The following OXR1 variants were observed in gnomAD, a reference collection of about 807,000 sequenced individuals.
OXR1 encodes the protein oxidation resistance protein 1.
A neutral mutation model predicts 104.6 loss-of-function variants in OXR1; 41 were observed. That is an observed-to-expected ratio of 0.39 (90% confidence interval 0.31 to 0.51). The LOEUF is 0.51. OXR1 is among the 20% of genes least tolerant of loss of function. OXR1 has a pLI of 0.77. For synonymous variants in OXR1, 348 were observed against 348.4 expected, an observed-to-expected ratio of 1.00 and a Z score of 0.01; for missense variants, 955 against 1,031.9, an observed-to-expected ratio of 0.93 and a Z score of 1.02.
At chr8:106,500,691 A>T (rs985349622) in intron 2 of OXR1, among the ~76,000 whole-genome samples, 1 of 152,216 alleles carries the variant, frequency 6.6e-6, no homozygotes, top group African/African-American at 2.4e-5. Flanking sequence ...CAAGATGTCA[A>T]TCTTTTCCCT....
chr8:106,431,109 G>A (rs1806921), intron 2 of OXR1, among the ~76,000 whole-genome samples: 42,234 of 151,946 alleles, frequency 0.28, 6,093 homozygotes, highest in South Asian at 0.36. Context: ...TGAGGCCACC[G>A]TCCTGTAAGA....
chr8:106,563,296 C>CAAAAAAAAAAAAAA (rs145929849), intron 3 of OXR1, among the ~76,000 whole-genome samples: 8 of 125,752 alleles, frequency 6.4e-5, no homozygotes, highest in South Asian at 2.5e-4. Context: ...AAATGGAAAG[C>CAAAAAAAAAAAAAA]AAAAAAAAAA....
intron 1 of OXR1, among the ~76,000 whole-genome samples, chr8:106,299,112 G>A (rs1029456727): frequency 6.6e-6 from 1 of 152,084 alleles, no homozygotes; most frequent in African/African-American, 2.4e-5. Flanking sequence ...GCTCACTCAT[G>A]TGAACTTACT....
At chr8:106,294,421 A>AAAGG in intron 1 of OXR1, among the ~76,000 whole-genome samples, 1 of 147,996 alleles carries the variant, frequency 6.8e-6, no homozygotes, top group South Asian at 2.1e-4. Flanking sequence ...AAAAAGAAAG[A>AAAGG]AAGAAATACC....
intron 2 of OXR1, among the ~76,000 whole-genome samples, chr8:106,489,878 T>G (rs1810959962): frequency 6.6e-6 from 1 of 152,168 alleles, no homozygotes; most frequent in Non-Finnish European, 1.5e-5. Context: ...ATCACATAAC[T>G]TTTTTCCTGT....
chr8:106,667,180 A>T (rs1051279432), intron 3 of OXR1, among the ~76,000 whole-genome samples: 1 of 152,196 alleles, frequency 6.6e-6, no homozygotes, highest in Non-Finnish European at 1.5e-5. Flanking sequence ...TGATGCCAAG[A>T]TCTGATTATA....
chr8:106,406,054 C>T (rs932084156), intron 2 of OXR1, among the ~76,000 whole-genome samples: 22 of 152,124 alleles, frequency 1.4e-4, no homozygotes, highest in Admixed American at 1.0e-3. Context: ...TCCAAAGAAA[C>T]TAATAAGCAT....
intron 1 of OXR1, among the ~76,000 whole-genome samples, chr8:106,327,899 G>T (rs980109047): frequency 6.6e-6 from 1 of 152,134 alleles, no homozygotes; most frequent in Admixed American, 6.5e-5. Flanking sequence ...ATTTATTGTT[G>T]TCCTTGCATT....
chr8:106,706,103 T>A (rs571350615), intron 8 of OXR1, among the ~76,000 whole-genome samples: 4 of 152,260 alleles, frequency 2.6e-5, no homozygotes, highest in African/African-American at 9.6e-5. Context: ...TCCCTTCAAG[T>A]GGATTACTTG....
Position 106,646,627 on chromosome 8 carries a change from AGAG to A in OXR1, c.221-32579_221-32577del, listed in dbSNP as rs887784525. The stretch of plus-strand genomic sequence containing the variant: ...TGTGAAGACCCATTATAGAATTAAG[AGAG>A]GAGAAGAGGAAGAACAAGGGTAAAG... On this transcript the variant is annotated intron_variant, in intron 3 of 16. Transcript: ENST00000517566. 5.9e-5 allele frequency among the ~76,000 whole-genome samples: 9 copies of A among 152,310 alleles called. No homozygotes were observed. The East Asian group carries it at 1.3e-3, about 23-fold the overall frequency.
chr8:106,349,499 C>A (rs1815634866), intron 1 of OXR1, among the ~76,000 whole-genome samples: 1 of 151,858 alleles, frequency 6.6e-6, no homozygotes, highest in Non-Finnish European at 1.5e-5. Context: ...GTAAACAAAG[C>A]AAAACAGAAA....
intron 3 of OXR1, among the ~76,000 whole-genome samples, chr8:106,648,613 G>A (rs1459944826): frequency 6.6e-6 from 1 of 152,162 alleles, no homozygotes; most frequent in Non-Finnish European, 1.5e-5. Flanking sequence ...TGCGGGGGCA[G>A]GGGCAGAATT....
intron 2 of OXR1, among the ~76,000 whole-genome samples, chr8:106,447,217 A>G (rs189009815): frequency 7.3e-4 from 111 of 152,318 alleles, no homozygotes; most frequent in African/African-American, 2.5e-3. Flanking sequence ...CAGTTTGGTA[A>G]CTTTTGGTAA....
At chr8:106,498,457 A>C (rs1811559424) in intron 2 of OXR1, among the ~76,000 whole-genome samples, 1 of 152,230 alleles carries the variant, frequency 6.6e-6, no homozygotes, top group Non-Finnish European at 1.5e-5. Context: ...ATTTCATGAG[A>C]CAATTTGCAG....
At chr8:106,385,680 A>C (rs1209072663) in intron 2 of OXR1, among the ~76,000 whole-genome samples, 2 of 152,136 alleles carry the variant, frequency 1.3e-5, no homozygotes, top group African/African-American at 4.8e-5. Context: ...GAAACTGAAC[A>C]TTCTTTTTCC....
chr8:106,335,322 T>C (rs1280279847), intron 1 of OXR1, among the ~76,000 whole-genome samples: 1 of 152,186 alleles, frequency 6.6e-6, no homozygotes, highest in Non-Finnish European at 1.5e-5. Context: ...ATTGTTGATT[T>C]ACGGGTCTGC....
At chr8:106,557,095 CT>C (rs1816340945) in intron 3 of OXR1, among the ~76,000 whole-genome samples, 1 of 152,120 alleles carries the variant, frequency 6.6e-6, no homozygotes, top group Non-Finnish European at 1.5e-5. Context: ...ACTCAAATTC[CT>C]TTCTCCCTTT....
At chr8:106,360,296 T>G (rs1035018666) in intron 2 of OXR1, among the ~76,000 whole-genome samples, 3 of 152,210 alleles carry the variant, frequency 2.0e-5, no homozygotes, top group Non-Finnish European at 4.4e-5. Flanking sequence ...GAACTTTGAC[T>G]TTTTTATATA....
intron 11 of OXR1, among the ~76,000 whole-genome samples, chr8:106,735,369 AC>A (rs1834274901): frequency 6.6e-6 from 1 of 152,122 alleles, no homozygotes; most frequent in Non-Finnish European, 1.5e-5. Context: ...AGAAACTATG[AC>A]TTTATCAAGT....
Sources: allele counts gnomAD v4.1 joint callset (sites outside exome capture counted in the v4.1 genomes callset), GRCh38; gene constraint gnomAD v4.1.1; transcripts MANE v1.5; gene names NCBI Gene and HGNC (gene_info 2026-07-23, HGNC 2026-07-21).